Variants in WDR64 observed in about 807,000 individuals in gnomAD.
WDR64 encodes the protein WD repeat-containing protein 64.
WDR64 carries 112 observed loss-of-function variants against 139.3 expected under a neutral mutation model. That is an observed-to-expected ratio of 0.80 (90% CI 0.69 to 0.94). The LOEUF (loss-of-function observed/expected upper bound fraction) is 0.94. Ranked by LOEUF, WDR64 falls within the 40% of genes least tolerant of loss-of-function variation. The pLI is 0.00. For synonymous variants in WDR64, 444 were observed against 437.7 expected, an observed-to-expected ratio of 1.01 and a Z score of -0.18; for missense variants, 1,206 against 1,293.1, an observed-to-expected ratio of 0.93 and a Z score of 1.03.
chr1:241,737,819 A>C (rs1669384860), intron 10 of WDR64, among the ~76,000 whole-genome samples: 1 of 152,180 alleles, frequency 6.6e-6, no homozygotes, highest in South Asian at 2.1e-4. Flanking sequence ...AGTTTGAAAA[A>C]CCTATATTCT....
Position 241,749,539 on chromosome 1 carries a change from A to G in WDR64, c.1595-8A>G. The stretch of plus-strand genomic sequence containing the variant: ...TTACCCACATAGTCTTTTTCTCTGT[A>G]TGCTCAGGAACAGTCAGAATCTGGG... On this transcript the variant is annotated splice_region_variant and splice_polypyrimidine_tract_variant and intron_variant, in intron 13 of 27. Transcript: ENST00000437684. The G allele has an allele frequency of 6.2e-7, 1 of 1,611,918 alleles. No individual in the cohort carries two copies. Among genetic ancestry groups the G allele is most frequent in the Non-Finnish European group, 8.5e-7 (1 of 1,179,194 alleles).
chr1:241,711,311 A>C (rs2148172771), intron 8 of WDR64, among the ~76,000 whole-genome samples: 1 of 151,906 alleles, frequency 6.6e-6, no homozygotes, highest in South Asian at 2.1e-4. Context: ...GAGGATGGAG[A>C]GTTCAACCAA....
intron 10 of WDR64, among the ~76,000 whole-genome samples, chr1:241,735,186 C>T: frequency 6.6e-6 from 1 of 151,842 alleles, no homozygotes; most frequent in Non-Finnish European, 1.5e-5. Flanking sequence ...GCAGTTTTTC[C>T]CTCAACACTC....
Position 241,671,211 on chromosome 1 carries a change from A to G in WDR64, c.379+35A>G, listed in dbSNP as rs1280165331. Reference sequence around the variant, plus strand: ...TAATTTTCTCTTCCAAATTAGTATGAGTTTTAATATTTTCCTCAAGAATAC... The same window carrying G: ...TAATTTTCTCTTCCAAATTAGTATGGGTTTTAATATTTTCCTCAAGAATAC... On this transcript the variant is annotated intron_variant, in intron 3 of 27. Transcript: ENST00000437684. 3.7e-6 allele frequency: 5 copies of G among 1,349,552 alleles called. No individual in the cohort carries two copies. The East Asian group carries it at 1.2e-4, about 34-fold the overall frequency. The allele number at this position is 1,349,552 out of a possible 1,614,324, so 83.6% of individuals were successfully genotyped here.
chr1:241,694,876 T>C (rs977262650), intron 8 of WDR64, among the ~76,000 whole-genome samples: 1 of 152,228 alleles, frequency 6.6e-6, no homozygotes, highest in African/African-American at 2.4e-5. Flanking sequence ...AACAAATATT[T>C]AGTAAGTCAC....
intron 10 of WDR64, among the ~76,000 whole-genome samples, chr1:241,735,853 C>CTGTG (rs1352158069): frequency 2.3e-4 from 21 of 91,350 alleles, no homozygotes; most frequent in African/African-American, 9.0e-4. Context: ...CTCTCTCTCT[C>CTGTG]TCTGTGTGTG....
At chr1:241,732,596 G>A (rs1467538485) in intron 10 of WDR64, among the ~76,000 whole-genome samples, 1 of 152,084 alleles carries the variant, frequency 6.6e-6, no homozygotes, top group Non-Finnish European at 1.5e-5. Flanking sequence ...GAGGTGGGTG[G>A]ATAACTTGAA....
intron 2 of WDR64, among the ~76,000 whole-genome samples, chr1:241,669,241 C>T (rs1023490196): frequency 6.6e-6 from 1 of 152,218 alleles, no homozygotes; most frequent in African/African-American, 2.4e-5. Flanking sequence ...ATTGTACAGT[C>T]TGAACCCTGA....
chr1:241,770,806 C>G, intron 18 of WDR64, 116 bp downstream of exon 18: 2 of 872,342 alleles, frequency 2.3e-6, no homozygotes, highest in Non-Finnish European at 3.4e-6. Context: ...TGGAAGAATT[C>G]TGTGTGTGCA....
chr1:241,793,366 C>T (rs867320557), intron 25 of WDR64, among the ~76,000 whole-genome samples: 21 of 152,068 alleles, frequency 1.4e-4, no homozygotes, highest in African/African-American at 4.1e-4. Context: ...TAAAACACGG[C>T]AGCAGATCCA....
At chr1:241,767,649 T>C (rs1658237450) in intron 16 of WDR64, among the ~76,000 whole-genome samples, 1 of 152,100 alleles carries the variant, frequency 6.6e-6, no homozygotes, top group Admixed American at 6.6e-5. Flanking sequence ...AAAAGAAATG[T>C]CTGCCTCTCT....
Position 241,705,355 on chromosome 1 carries a change from C to A in WDR64, c.975-6447C>A, listed in dbSNP as rs549084823. ...AGGAGATCGAGACCATCCCGGCTAA[C>A]ACGGTGAAACCCCGTCTCTACTGAA... is the stretch of plus-strand genomic sequence containing the variant. On this transcript the variant is annotated intron_variant, in intron 8 of 27. Coordinates refer to ENST00000437684, the MANE Select transcript of WDR64 (RefSeq NM_001367482.1). Among the ~76,000 whole-genome samples, 9 of 151,904 alleles carry A rather than the reference C, an allele frequency of 5.9e-5. No individual in the cohort carries two copies. In the South Asian group the frequency reaches 1.7e-3, roughly 28 times the overall value.
At chr1:241,744,049 C>G (rs1214560929) in intron 12 of WDR64, among the ~76,000 whole-genome samples, 1 of 152,148 alleles carries the variant, frequency 6.6e-6, no homozygotes, top group African/African-American at 2.4e-5. Context: ...GGGAATAAAT[C>G]CAGTTCATAT....
At chr1:241,747,927 T>G (rs1231450722) in intron 13 of WDR64, among the ~76,000 whole-genome samples, 1 of 152,028 alleles carries the variant, frequency 6.6e-6, no homozygotes, top group Non-Finnish European at 1.5e-5. Flanking sequence ...GAGATCTGAG[T>G]GTAGGATAGC....
intron 24 of WDR64, 133 bp from the exon 25 acceptor site, chr1:241,790,458 G>C (rs886169875): frequency 1.5e-6 from 1 of 680,492 alleles, no homozygotes; most frequent in Non-Finnish European, 2.5e-6. Context: ...TGAGTGTAGA[G>C]ATACTGTCAT....
intron 22 of WDR64, among the ~76,000 whole-genome samples, chr1:241,781,965 G>T (rs561538213): frequency 5.8e-4 from 89 of 152,288 alleles, no homozygotes; most frequent in African/African-American, 2.0e-3. Flanking sequence ...AACCTTGGAT[G>T]ACCAGATATT....
Position 241,802,663 on chromosome 1 carries a change from G to A in WDR64, c.*1448G>A, listed in dbSNP as rs1321711339. Among the ~76,000 whole-genome samples the A allele has an allele frequency of 6.6e-6, 1 of 152,034 alleles. No homozygotes were observed. Among genetic ancestry groups the A allele is most frequent in the Non-Finnish European group, 1.5e-5 (1 of 67,988 alleles). On this transcript the variant is annotated 3_prime_UTR_variant, in exon 28 of 28. Coordinates refer to ENST00000437684, the MANE Select transcript of WDR64 (RefSeq NM_001367482.1). ...AATCAAAAAAATAAGATGAACTAAT[G>A]GATAGAGGGATGGACTGATAGATGG... is the stretch of plus-strand genomic sequence containing the variant.
intron 8 of WDR64, 55 bp from the exon 9 acceptor site, chr1:241,711,747 A>C (rs1668176582): frequency 1.3e-6 from 2 of 1,562,830 alleles, no homozygotes; most frequent in Admixed American, 3.4e-5. Flanking sequence ...TATAAGTCAG[A>C]ATTAACTTGA....
At chr1:241,735,502 T>C (rs1399778200) in intron 10 of WDR64, among the ~76,000 whole-genome samples, 6 of 151,284 alleles carry the variant, frequency 4.0e-5, no homozygotes, top group Non-Finnish European at 2.9e-5. Context: ...CTCCTTTTAA[T>C]ATTTAGTTCT....
Sources: allele counts gnomAD v4.1 joint callset (sites outside exome capture counted in the v4.1 genomes callset), GRCh38; gene constraint gnomAD v4.1.1; transcripts MANE v1.5; gene names NCBI Gene and HGNC (gene_info 2026-07-23, HGNC 2026-07-21).